PPARD: variants seen among roughly 807,000 people sequenced by gnomAD.
The protein encoded by PPARD is peroxisome proliferator-activated receptor delta.
PPARD carries 6 observed loss-of-function variants against 39.5 expected under a neutral mutation model. The observed-to-expected ratio is 0.15, with a 90% CI of 0.08 to 0.30. The LOEUF (loss-of-function observed/expected upper bound fraction) is 0.30, where lower values mean the gene tolerates loss of function less well. Ranked by LOEUF, PPARD falls within the 10% of genes least tolerant of loss-of-function variation. The pLI, the probability that PPARD is intolerant of heterozygous loss-of-function variation, is 1.00. For synonymous variants in PPARD, 210 were observed against 231.3 expected, an observed-to-expected ratio of 0.91 and a Z score of 0.83; for missense variants, 397 against 596.8, an observed-to-expected ratio of 0.67 and a Z score of 3.49.
chr6:35,400,192 C>A (rs1028611178), intron 2 of PPARD, among the ~76,000 whole-genome samples: 1 of 152,216 alleles, frequency 6.6e-6, no homozygotes, highest in Non-Finnish European at 1.5e-5. Context: ...CGTCCCATTT[C>A]TCCTGGGCCA....
At chr6:35,397,995 G>A (rs1270435490) in intron 2 of PPARD, among the ~76,000 whole-genome samples, 1 of 152,198 alleles carries the variant, frequency 6.6e-6, no homozygotes, top group Non-Finnish European at 1.5e-5. Flanking sequence ...GGCAGGATAT[G>A]CCTGCTGTGT....
chr6:35,362,657 CAG>C (rs1281408481), intron 2 of PPARD, among the ~76,000 whole-genome samples: 1 of 152,072 alleles, frequency 6.6e-6, no homozygotes, highest in Non-Finnish European at 1.5e-5. Context: ...TGTCTTGAGT[CAG>C]TGAGAAGAAG....
rs1762237583 is a variant in PPARD, at chr6:35,366,963, T to G, written c.-102+19813T>G. On this transcript the variant is annotated intron_variant, in intron 2 of 7. Coordinates refer to ENST00000360694, the MANE Select transcript of PPARD (RefSeq NM_006238.5). This position sits in a 1 kb window ranked among gnomAD's most constrained non-coding sequence, Gnocchi z 4.6. ...TATGGCCAGACTTATGACTTGCGTATGGTCATAAAGGTAGTAAGTTGCAGA... is the reference window on the plus strand; with the variant it reads ...TATGGCCAGACTTATGACTTGCGTAGGGTCATAAAGGTAGTAAGTTGCAGA... Among the ~76,000 whole-genome samples, 1 of 152,264 alleles carries G rather than the reference T, an allele frequency of 6.6e-6. No individual in the cohort carries two copies. The highest frequency in any genetic ancestry group is 2.4e-5 in the African/African-American group (1 of 41,462).
At chr6:35,356,855 C>T (rs1235983951) in intron 2 of PPARD, among the ~76,000 whole-genome samples, 1 of 152,212 alleles carries the variant, frequency 6.6e-6, no homozygotes, top group Non-Finnish European at 1.5e-5. Flanking sequence ...GTAATAGAAG[C>T]ATATTGTTCT....
chr6:35,356,248 C>G (rs2150466467), intron 2 of PPARD, among the ~76,000 whole-genome samples: 1 of 152,352 alleles, frequency 6.6e-6, no homozygotes, highest in East Asian at 1.9e-4. Flanking sequence ...ATCCTTATCA[C>G]TGCTTTTGGC....
chr6:35,397,984 A>C (rs1764447361), intron 2 of PPARD, among the ~76,000 whole-genome samples: 1 of 152,160 alleles, frequency 6.6e-6, no homozygotes. Flanking sequence ...GGCCCACTGA[A>C]GGCAGGATAT....
intron 5 of PPARD, among the ~76,000 whole-genome samples, 160 bp from the exon 6 acceptor site, chr6:35,423,786 C>T (rs1766376785): frequency 6.6e-6 from 1 of 151,968 alleles, no homozygotes; most frequent in Non-Finnish European, 1.5e-5. Flanking sequence ...AGCTTGCGAT[C>T]TGGAGGGGCC....
chr6:35,419,167 G>A (rs559272532), intron 3 of PPARD, among the ~76,000 whole-genome samples: 174 of 152,272 alleles, frequency 1.1e-3, no homozygotes, highest in Non-Finnish European at 2.0e-3. Context: ...TGCTTTTGGG[G>A]AGGTTGCTCA....
chr6:35,353,936 T>C (rs554824077), intron 2 of PPARD, among the ~76,000 whole-genome samples: 21 of 152,156 alleles, frequency 1.4e-4, no homozygotes, highest in Non-Finnish European at 3.1e-4. Context: ...TTTACAGTGA[T>C]GTAAAAGCCA....
chr6:35,421,801 C>T lies in PPARD; in HGVS notation c.286-19C>T, dbSNP rs1272715740. 2 of 1,597,168 alleles carry T rather than the reference C, an allele frequency of 1.3e-6. No homozygotes were observed. The highest frequency in any genetic ancestry group is 1.3e-5 in the African/African-American group (1 of 74,580). On this transcript the variant is annotated intron_variant, in intron 4 of 7. Coordinates refer to ENST00000360694, the MANE Select transcript of PPARD (RefSeq NM_006238.5). The stretch of plus-strand genomic sequence containing the variant: ...CCCACCTCCTGGTGGCCTTTCCTCA[C>T]CTGTTCTTGGTGCTTCAGGGCTTCT...
intron 2 of PPARD, among the ~76,000 whole-genome samples, chr6:35,398,272 G>C (rs1236704429): frequency 1.3e-5 from 2 of 152,174 alleles, no homozygotes; most frequent in African/African-American, 4.8e-5. Flanking sequence ...AAGTAATCCA[G>C]GCAGGAGATG....
At chr6:35,388,568 C>T (rs1481811129) in intron 2 of PPARD, among the ~76,000 whole-genome samples, 2 of 152,012 alleles carry the variant, frequency 1.3e-5, no homozygotes, top group Non-Finnish European at 1.5e-5. Flanking sequence ...AAAAAGTAGC[C>T]GGGCGTGGTG....
chr6:35,375,130 TTTAAC>T (rs765008926), intron 2 of PPARD, among the ~76,000 whole-genome samples: 3 of 152,228 alleles, frequency 2.0e-5, no homozygotes, highest in Admixed American at 6.5e-5. Context: ...ATTTTTGGGA[TTTAAC>T]TTAACGTATT....
intron 2 of PPARD, among the ~76,000 whole-genome samples, chr6:35,365,640 G>A (rs1233405633): frequency 1.3e-5 from 2 of 151,326 alleles, no homozygotes; most frequent in Non-Finnish European, 2.9e-5. Flanking sequence ...ACAGGCATGT[G>A]CCATCATGCC....
At chr6:35,410,145 G>A (rs2267668) in intron 2 of PPARD, among the ~76,000 whole-genome samples, 129,486 of 152,186 alleles carry the variant, frequency 0.85, 55,229 homozygotes, top group African/African-American at 0.89. Context: ...TAAAATATCT[G>A]AGAGTTGGGG....
chr6:35,365,082 T>C (rs1055507506), intron 2 of PPARD, among the ~76,000 whole-genome samples: 2 of 151,936 alleles, frequency 1.3e-5, no homozygotes, highest in Non-Finnish European at 2.9e-5. Context: ...GCTTCACTTA[T>C]TATATCTTGG....
rs191731305 is a variant in PPARD, at chr6:35,413,469, A to G, written c.130+2252A>G. On this transcript the variant is annotated intron_variant, in intron 3 of 7. Transcript: ENST00000360694. ...TGTATGAAAAGTTCCCAAAAATTCT[A>G]CAAGACAAGCAACCTAGCAGGAAAA... Among the ~76,000 whole-genome samples, 86 of 152,346 alleles carry G rather than the reference A, an allele frequency of 5.6e-4. 1 individual carries two copies. Among genetic ancestry groups the G allele is most frequent in the African/African-American group, 2.0e-3 (82 of 41,570 alleles).
chr6:35,413,844 T>G (rs1765583177), intron 3 of PPARD, among the ~76,000 whole-genome samples: 1 of 152,050 alleles, frequency 6.6e-6, no homozygotes, highest in Admixed American at 6.5e-5. Context: ...CCACCGTGCC[T>G]GGCTAATTTT....
intron 2 of PPARD, among the ~76,000 whole-genome samples, chr6:35,407,945 A>T (rs1262692579): frequency 6.6e-6 from 1 of 152,090 alleles, no homozygotes; most frequent in Non-Finnish European, 1.5e-5. Context: ...TCCTATTTTA[A>T]ATTAGGATTG....
Sources: allele counts gnomAD v4.1 joint callset (sites outside exome capture counted in the v4.1 genomes callset), GRCh38; gene constraint gnomAD v4.1.1; non-coding constraint Gnocchi (gnomAD v3.1); transcripts MANE v1.5; gene names NCBI Gene and HGNC (gene_info 2026-07-23, HGNC 2026-07-21).